The following NCOA2 variants were observed in gnomAD, a reference collection of about 807,000 sequenced individuals.
NCOA2 encodes nuclear receptor coactivator 2.
Under a neutral mutation model 145.1 loss-of-function variants are expected in NCOA2, and 21 were observed. The ratio of observed to expected loss-of-function variants is 0.14; its 90% confidence interval spans 0.10 to 0.21. NCOA2 has a LOEUF of 0.21. Among genes scored for constraint, NCOA2 ranks in the 10% least tolerant of loss-of-function variants. NCOA2 has a pLI of 1.00. For missense variants in NCOA2, 1,472 were observed against 1,837.6 expected, an observed-to-expected ratio of 0.80 and a Z score of 3.64; for synonymous variants, 619 against 637.5, an observed-to-expected ratio of 0.97 and a Z score of 0.44.
intron 2 of NCOA2, among the ~76,000 whole-genome samples, chr8:70,267,004 T>C (rs934191145): frequency 9.2e-5 from 14 of 152,216 alleles, no homozygotes; most frequent in African/African-American, 2.9e-4. Context: ...TATAATCTTC[T>C]AATTTTTTGA....
intron 1 of NCOA2, among the ~76,000 whole-genome samples, chr8:70,352,384 A>G (rs1809323817): frequency 6.6e-6 from 1 of 152,188 alleles, no homozygotes. Context: ...AGGCTCTTCC[A>G]TCATGCACAC....
At chr8:70,424,490 TG>T in the NCOA2 span, 1 of 525,520 alleles carries the variant, frequency 1.9e-6, no homozygotes. Context: ...ATGGCAGTGA[TG>T]GCAAAGGCTA....
At chr8:70,310,271 G>A (rs936265468) in intron 1 of NCOA2, among the ~76,000 whole-genome samples, 7 of 149,776 alleles carry the variant, frequency 4.7e-5, no homozygotes, top group African/African-American at 1.7e-4. Context: ...TTGAATCTAG[G>A]AGGCAGAGGT....
At chr8:70,400,999 C>A (rs935742262) in intron 1 of NCOA2, among the ~76,000 whole-genome samples, 2 of 152,174 alleles carry the variant, frequency 1.3e-5, no homozygotes, top group Non-Finnish European at 2.9e-5. Context: ...ACTTTTCATT[C>A]TTTGAGCTCC....
At chr8:70,200,526 A>C (rs929218194) in intron 4 of NCOA2, among the ~76,000 whole-genome samples, 9 of 152,286 alleles carry the variant, frequency 5.9e-5, no homozygotes, top group African/African-American at 2.2e-4. Flanking sequence ...GCATTCATTA[A>C]GGGTTTCCTG....
intron 22 of NCOA2, among the ~76,000 whole-genome samples, chr8:70,118,130 T>C (rs1256309103): frequency 6.6e-6 from 1 of 152,180 alleles, no homozygotes; most frequent in Non-Finnish European, 1.5e-5. Context: ...TGCAGCCGCA[T>C]GATGAAGGGT....
the NCOA2 span, among the ~76,000 whole-genome samples, chr8:70,434,094 T>C: frequency 6.6e-6 from 1 of 152,006 alleles, no homozygotes; most frequent in South Asian, 2.1e-4. Context: ...AATGAATAAA[T>C]AAATAACCAG....
At chr8:70,366,999 T>G (rs182497685) in intron 1 of NCOA2, among the ~76,000 whole-genome samples, 46 of 152,318 alleles carry the variant, frequency 3.0e-4, no homozygotes, top group African/African-American at 1.0e-3. Flanking sequence ...ACTCTCATCA[T>G]CCACAGCAAC....
At chr8:70,305,696 T>C (rs778142060) in intron 1 of NCOA2, among the ~76,000 whole-genome samples, 6 of 152,202 alleles carry the variant, frequency 3.9e-5, no homozygotes, top group Non-Finnish European at 7.3e-5. Context: ...GTGTGTATAA[T>C]AGGTATTCAT....
In NCOA2 at chr8:70,112,554, G is replaced by C. The variant is rs906946470; in HGVS notation, c.*1078C>G. The C allele has an allele frequency of 3.4e-5, 7 of 205,752 alleles. No individual in the cohort carries two copies. The highest frequency in any genetic ancestry group is 1.4e-4 in the African/African-American group (6 of 43,756). 12.7% of individuals were successfully genotyped at this position (205,752 alleles called of 1,614,324 possible). A position where few individuals can be genotyped will look rare whatever the true frequency, so the allele number is the denominator to read the frequency against. On this transcript the variant is annotated 3_prime_UTR_variant, in exon 23 of 23. Transcript: ENST00000452400. ...CCCATTTTGGAGGCCAGAGTTGCTG[G>C]GGAACAGAATAAACATGCTTCCAAA... is the stretch of plus-strand genomic sequence containing the variant.
rs1290452728 is a variant in NCOA2 at position 70,236,076 on chromosome 8, T to C, written c.-19-19312A>G. Among the ~76,000 whole-genome samples, 5 of 152,138 alleles carry C rather than the reference T, an allele frequency of 3.3e-5. No individual in the cohort carries two copies. In the South Asian group the frequency reaches 6.2e-4, roughly 19 times the overall value. On this transcript the variant is annotated intron_variant, in intron 2 of 22. Coordinates refer to ENST00000452400, the MANE Select transcript of NCOA2 (RefSeq NM_006540.4). ...TATTCCCCGCCCCCAAAATGCCCCA[T>C]GTGTAAGATGTCAATCCACTGAACA...
At chr8:70,398,829 T>C (rs1166480488) in intron 1 of NCOA2, among the ~76,000 whole-genome samples, 1 of 152,216 alleles carries the variant, frequency 6.6e-6, no homozygotes, top group Non-Finnish European at 1.5e-5. Flanking sequence ...AATTGCATTA[T>C]GTCATCACAG....
At chr8:70,248,000 T>C (rs572695130) in intron 2 of NCOA2, among the ~76,000 whole-genome samples, 6 of 152,360 alleles carry the variant, frequency 3.9e-5, no homozygotes, top group African/African-American at 1.4e-4. Context: ...GTGCAGAAGA[T>C]AGCAACAGCA....
chr8:70,387,626 A>G (rs1415769217), intron 1 of NCOA2, among the ~76,000 whole-genome samples: 2 of 135,710 alleles, frequency 1.5e-5, no homozygotes, highest in East Asian at 4.5e-4. Context: ...GCTGGAATCA[A>G]TGCTTCCTCC....
At chr8:70,396,692 T>C (rs990975047) in intron 1 of NCOA2, among the ~76,000 whole-genome samples, 2 of 151,778 alleles carry the variant, frequency 1.3e-5, no homozygotes, top group Non-Finnish European at 2.9e-5. Context: ...GGTCTTAAAA[T>C]AAATAACCTC....
chr8:70,407,803 T>A (rs1238093487), upstream of NCOA2, among the ~76,000 whole-genome samples: 1 of 151,822 alleles, frequency 6.6e-6, no homozygotes, highest in African/African-American at 2.4e-5. Context: ...TCCTAGAACA[T>A]AATGCATACT....
intron 1 of NCOA2, among the ~76,000 whole-genome samples, chr8:70,356,244 T>A (rs1238976173): frequency 6.6e-6 from 1 of 152,084 alleles, no homozygotes; most frequent in East Asian, 1.9e-4. Context: ...ATGGCCTGAG[T>A]CCAGGAGTTC....
At chr8:70,423,940 A>T in the NCOA2 span, among the ~76,000 whole-genome samples, 1 of 152,178 alleles carries the variant, frequency 6.6e-6, no homozygotes, top group African/African-American at 2.4e-5. Flanking sequence ...TGGCTGCACA[A>T]TGGCCTCTCC....
chr8:70,216,515 A>C (rs1004173547), intron 3 of NCOA2, 145 bp downstream of exon 3: 4 of 652,462 alleles, frequency 6.1e-6, no homozygotes, highest in Non-Finnish European at 1.1e-5. Flanking sequence ...AAATGTAAGC[A>C]AGTACATATT....
Sources: gnomAD v4.1 joint callset for allele counts (sites outside exome capture counted in the v4.1 genomes callset) on GRCh38, gnomAD v4.1.1 for gene constraint, MANE v1.5 for transcripts, NCBI Gene and HGNC (gene_info 2026-07-23, HGNC 2026-07-21) for gene names.